ARHGAP26: variants seen among roughly 807,000 people sequenced by gnomAD.
ARHGAP26 encodes the protein rho GTPase-activating protein 26.
Under a neutral mutation model 104.8 loss-of-function variants are expected in ARHGAP26, and 38 were observed. The ratio of observed to expected loss-of-function variants is 0.36; its 90% CI spans 0.28 to 0.48. ARHGAP26 has a LOEUF of 0.48. ARHGAP26 is among the 20% of genes least tolerant of loss of function. ARHGAP26 has a pLI of 0.99. For missense variants in ARHGAP26, 704 were observed against 947.9 expected, an observed-to-expected ratio of 0.74 and a Z score of 3.38; for synonymous variants, 341 against 340.0, an observed-to-expected ratio of 1.00 and a Z score of -0.03.
At chr5:142,794,076 A>G (rs918516431) in intron 1 of ARHGAP26, among the ~76,000 whole-genome samples, 1 of 152,184 alleles carries the variant, frequency 6.6e-6, no homozygotes, top group Admixed American at 6.5e-5. Context: ...CGTGACTCCA[A>G]AGGATATCAG....
chr5:142,948,100 A>C (rs1767437138), intron 11 of ARHGAP26, among the ~76,000 whole-genome samples: 1 of 152,180 alleles, frequency 6.6e-6, no homozygotes, highest in South Asian at 2.1e-4. Context: ...TTCCCTTTTC[A>C]GACGCGGGCT....
intron 11 of ARHGAP26, among the ~76,000 whole-genome samples, chr5:143,004,050 TACGGAAA>T (rs1303533291): frequency 6.9e-6 from 1 of 144,528 alleles, no homozygotes; most frequent in East Asian, 2.0e-4. Flanking sequence ...GAAAGTGACG[TACGGAAA>T]TCAGAAGTAA....
At chr5:143,073,585 C>A (rs771182111) in intron 17 of ARHGAP26, among the ~76,000 whole-genome samples, 12 of 152,200 alleles carry the variant, frequency 7.9e-5, no homozygotes, top group Non-Finnish European at 1.6e-4. Context: ...AGGTTCTAAT[C>A]CTGGTTTTTA....
intron 1 of ARHGAP26, chr5:142,771,271 C>T (rs1755139970): frequency 8.0e-7 from 1 of 1,247,466 alleles, no homozygotes; most frequent in Non-Finnish European, 1.0e-6. Context: ...CCCATCGTGT[C>T]CACAGCTCCA....
chr5:142,994,456 C>A (rs1056073691), intron 11 of ARHGAP26, among the ~76,000 whole-genome samples: 5 of 152,068 alleles, frequency 3.3e-5, no homozygotes, highest in African/African-American at 1.2e-4. Context: ...GGTGACGCAA[C>A]CATAAAGGAT....
intron 10 of ARHGAP26, among the ~76,000 whole-genome samples, chr5:142,914,279 A>G (rs1274297723): frequency 4.6e-5 from 7 of 152,252 alleles, no homozygotes; most frequent in Admixed American, 2.6e-4. Flanking sequence ...CCATGGAGAC[A>G]GCGTGCCCCC....
chr5:142,771,124 G>A, intron 1 of ARHGAP26: 1 of 1,326,028 alleles, frequency 7.5e-7, no homozygotes, highest in Non-Finnish European at 9.7e-7. Flanking sequence ...TCCGCCTTTT[G>A]CGTTCAGGGA....
chr5:143,175,443 T>A (rs781451030), intron 20 of ARHGAP26, among the ~76,000 whole-genome samples: 18 of 152,242 alleles, frequency 1.2e-4, no homozygotes, highest in Non-Finnish European at 2.6e-4. Flanking sequence ...GCATGAGTTT[T>A]TCTTTTGTAA....
Position 143,163,726 on chromosome 5 carries a change from C to T in ARHGAP26, c.1988+16345C>T, listed in dbSNP as rs10036154. Among the ~76,000 whole-genome samples, 650 of 152,212 alleles carry T rather than the reference C, an allele frequency of 4.3e-3. 1 individual carries two copies. Among genetic ancestry groups the T allele is most frequent in the African/African-American group, 0.015 (626 of 41,516 alleles). On this transcript the variant is annotated intron_variant, in intron 20 of 22. Coordinates refer to ENST00000645722, the MANE Select transcript of ARHGAP26 (RefSeq NM_001135608.3). ...TCGGTCTCCCAAAGTGCTGGGATTACAGGCATGAGCCACCATGCCTGGCCA... is the reference window on the plus strand; with the variant it reads ...TCGGTCTCCCAAAGTGCTGGGATTATAGGCATGAGCCACCATGCCTGGCCA...
chr5:142,992,882 C>T (rs547208010), intron 11 of ARHGAP26, among the ~76,000 whole-genome samples: 3 of 152,380 alleles, frequency 2.0e-5, no homozygotes, highest in South Asian at 2.1e-4. Flanking sequence ...GGGGTGAGCA[C>T]AACTGTAAGT....
intron 11 of ARHGAP26, among the ~76,000 whole-genome samples, chr5:142,963,204 G>A (rs531576281): frequency 0.025 from 2,380 of 95,392 alleles, 77 homozygotes; most frequent in South Asian, 0.061. Context: ...ATATATGTGT[G>A]TGTGTGTGTG....
chr5:142,840,839 T>A (rs1263586758), intron 1 of ARHGAP26, among the ~76,000 whole-genome samples: 1 of 152,226 alleles, frequency 6.6e-6, no homozygotes, highest in Non-Finnish European at 1.5e-5. Context: ...CTCTGCCAGT[T>A]CTTTTTCTTG....
chr5:142,885,918 T>C (rs1757635399), intron 5 of ARHGAP26, among the ~76,000 whole-genome samples: 1 of 152,228 alleles, frequency 6.6e-6, no homozygotes, highest in African/African-American at 2.4e-5. Context: ...TATTTTGTGC[T>C]TTGGTAATGT....
intron 12 of ARHGAP26, among the ~76,000 whole-genome samples, chr5:143,025,778 C>G (rs1163183276): frequency 2.0e-5 from 3 of 152,230 alleles, no homozygotes; most frequent in Admixed American, 1.3e-4. Context: ...AACCTACGTG[C>G]TGTCACCCTG....
rs574195903 is a variant in ARHGAP26, at chr5:142,869,565, A to G, written c.155-3835A>G. On this transcript the variant is annotated intron_variant, in intron 1 of 22. Coordinates refer to ENST00000645722, the MANE Select transcript of ARHGAP26 (RefSeq NM_001135608.3). ...AGGGTAGTTAATACACAATTTTGGT[A>G]ACTTTGGAGGTCACAAAGGCAATAG... Among the ~76,000 whole-genome samples, 4 of 152,300 alleles carry G rather than the reference A, an allele frequency of 2.6e-5. No homozygotes were observed. In the South Asian group the frequency reaches 8.3e-4, roughly 32 times the overall value.
At chr5:143,033,927 GAC>G (rs1193949848) in intron 12 of ARHGAP26, among the ~76,000 whole-genome samples, 2 of 152,174 alleles carry the variant, frequency 1.3e-5, no homozygotes, top group African/African-American at 4.8e-5. Flanking sequence ...TTCCCCGTCT[GAC>G]AAATGCTTTC....
intron 17 of ARHGAP26, among the ~76,000 whole-genome samples, chr5:143,107,535 A>G (rs1412692561): frequency 2.0e-5 from 3 of 152,186 alleles, no homozygotes; most frequent in African/African-American, 7.2e-5. Context: ...GCAAAGCAAG[A>G]TGACAGCAAC....
intron 17 of ARHGAP26, among the ~76,000 whole-genome samples, chr5:143,065,688 G>A (rs753863518): frequency 1.3e-5 from 2 of 152,170 alleles, no homozygotes; most frequent in Non-Finnish European, 2.9e-5. Flanking sequence ...GACCACTTCT[G>A]TGTGGGCTCC....
chr5:142,933,993 G>A (rs1765079537), intron 11 of ARHGAP26, among the ~76,000 whole-genome samples: 1 of 152,076 alleles, frequency 6.6e-6, no homozygotes, highest in Admixed American at 6.6e-5. Flanking sequence ...TCAACTCATA[G>A]GGGAGGAAGT....
Sources: gnomAD v4.1 joint callset for allele counts (sites outside exome capture counted in the v4.1 genomes callset) on GRCh38, gnomAD v4.1.1 for gene constraint, MANE v1.5 for transcripts, NCBI Gene and HGNC (gene_info 2026-07-23, HGNC 2026-07-21) for gene names.